Variants in GRIN2B observed in about 807,000 individuals in gnomAD.
GRIN2B encodes glutamate ionotropic receptor NMDA type subunit 2B, also known as glutamate receptor ionotropic, NMDA 2B.
In GRIN2B, 5 loss-of-function variants were observed where a neutral mutation model predicts 114.5. That is an observed-to-expected ratio of 0.04 (90% CI 0.02 to 0.09). The LOEUF is 0.09. Among genes scored for constraint, GRIN2B ranks in the 10% least tolerant of loss-of-function variants. GRIN2B has a pLI of 1.00. For synonymous variants in GRIN2B, 787 were observed against 745.1 expected, an observed-to-expected ratio of 1.06 and a Z score of -0.92; for missense variants, 1,108 against 1,943.5, an observed-to-expected ratio of 0.57 and a Z score of 8.08.
intron 4 of GRIN2B, among the ~76,000 whole-genome samples, chr12:13,752,133 T>C (rs1863493688): frequency 6.6e-6 from 1 of 152,206 alleles, no homozygotes; most frequent in Non-Finnish European, 1.5e-5. Context: ...CTGCTAGAAG[T>C]TACCCACTCA....
At chr12:13,873,167 C>T (rs892970491) in intron 2 of GRIN2B, among the ~76,000 whole-genome samples, 1 of 152,038 alleles carries the variant, frequency 6.6e-6, no homozygotes, top group Non-Finnish European at 1.5e-5. Flanking sequence ...TTGTAAGTTC[C>T]AAGTCAATTA....
rs1280718157 is a variant in GRIN2B at position 13,865,947 on chromosome 12, G to C, written c.262C>G (p.Leu88Val). The C allele has an allele frequency of 6.2e-7, 1 of 1,614,076 alleles. No homozygotes were observed. The highest frequency in any genetic ancestry group is 8.5e-7 in the Non-Finnish European group (1 of 1,179,998). The stretch of plus-strand genomic sequence containing the variant: ...CCCTGGATCTTCCGGTCAGACATGA[G>C]ATCACAGATGCGGGTGATGATGCTC... Reference protein sequence around the residue: ...PKSIITRICDLMSDRKIQGVV... With the variant: ...PKSIITRICDVMSDRKIQGVV... Residue 88 changes from leucine to valine, a missense_variant, in exon 3 of 14, where the codon CTC becomes GTC. Physicochemically the swap from Leu to Val is conservative, Grantham distance 32 (BLOSUM62 1). Around this residue, in one of 19 missense-constraint regions of GRIN2B, gnomAD observed 199 missense variants for 439.6 expected, o/e 0.45. Transcript: ENST00000609686.
intron 5 of GRIN2B, among the ~76,000 whole-genome samples, chr12:13,675,455 G>A (rs1039125091): frequency 6.6e-6 from 1 of 152,098 alleles, no homozygotes; most frequent in African/African-American, 2.4e-5. Context: ...ACCAAATTAT[G>A]TTATATTGTA....
At chr12:13,979,365 C>G (rs1032009364) in intron 2 of GRIN2B, among the ~76,000 whole-genome samples, 1 of 151,958 alleles carries the variant, frequency 6.6e-6, no homozygotes, top group Non-Finnish European at 1.5e-5. Flanking sequence ...CTCTGGGCCC[C>G]TTGTCAACCC....
At chr12:13,978,625 T>C (rs1863073228) in intron 2 of GRIN2B, among the ~76,000 whole-genome samples, 1 of 152,240 alleles carries the variant, frequency 6.6e-6, no homozygotes, top group South Asian at 2.1e-4. Context: ...GGGGTGGTGG[T>C]AATACTTTTA....
chr12:13,789,185 T>G (rs896980322), intron 3 of GRIN2B, among the ~76,000 whole-genome samples: 2 of 152,188 alleles, frequency 1.3e-5, no homozygotes, highest in Non-Finnish European at 2.9e-5. Context: ...TATAAACTCT[T>G]ATATTCAACA....
intron 4 of GRIN2B, among the ~76,000 whole-genome samples, chr12:13,748,888 T>C (rs1863433404): frequency 6.6e-6 from 1 of 152,240 alleles, no homozygotes; most frequent in Non-Finnish European, 1.5e-5. Context: ...ATATGTCCCA[T>C]GCAATATTTA....
intron 4 of GRIN2B, among the ~76,000 whole-genome samples, chr12:13,750,105 G>A (rs532567427): frequency 2.7e-4 from 41 of 152,288 alleles, no homozygotes; most frequent in African/African-American, 7.9e-4. Flanking sequence ...TTCTTAAGCC[G>A]TACATTTGGG....
chr12:13,759,454 T>C (rs1157227551), intron 3 of GRIN2B, among the ~76,000 whole-genome samples: 2 of 152,216 alleles, frequency 1.3e-5, no homozygotes, highest in Non-Finnish European at 2.9e-5. Flanking sequence ...TATAGTCACT[T>C]ATTTACATCC....
chr12:13,719,917 A>G (rs1214870340), intron 4 of GRIN2B, among the ~76,000 whole-genome samples: 1 of 152,028 alleles, frequency 6.6e-6, no homozygotes, highest in East Asian at 1.9e-4. Context: ...GTACTGCATG[A>G]TTGTGAAAAA....
intron 2 of GRIN2B, among the ~76,000 whole-genome samples, chr12:13,867,379 A>G (rs1865844778): frequency 6.6e-6 from 1 of 152,120 alleles, no homozygotes; most frequent in African/African-American, 2.4e-5. Flanking sequence ...TATGCTTCTC[A>G]TTATTCTCCA....
intron 2 of GRIN2B, among the ~76,000 whole-genome samples, chr12:13,869,222 TTTC>T (rs1238331764): frequency 6.7e-6 from 1 of 148,376 alleles, no homozygotes; most frequent in Non-Finnish European, 1.5e-5. Flanking sequence ...AGAGAACTTT[TTTC>T]TTTTTCTTTT....
intron 4 of GRIN2B, among the ~76,000 whole-genome samples, chr12:13,695,813 G>T (rs1950254521): frequency 6.6e-6 from 1 of 152,132 alleles, no homozygotes; most frequent in African/African-American, 2.4e-5. Flanking sequence ...AAGTTAAGCG[G>T]CTCATAGTGT....
chr12:13,942,912 T>C (rs1252829208), intron 2 of GRIN2B, among the ~76,000 whole-genome samples: 2 of 152,138 alleles, frequency 1.3e-5, no homozygotes, highest in Non-Finnish European at 2.9e-5. Flanking sequence ...AAAGCCACTG[T>C]CGGAGTTATC....
chr12:13,869,169 C>A (rs1425344672), intron 2 of GRIN2B, among the ~76,000 whole-genome samples: 2 of 151,924 alleles, frequency 1.3e-5, no homozygotes, highest in Non-Finnish European at 2.9e-5. Context: ...TCCTTGTGAG[C>A]AGGGACTTTT....
chr12:13,895,107 G>T (rs2096170472), intron 2 of GRIN2B, among the ~76,000 whole-genome samples: 1 of 152,132 alleles, frequency 6.6e-6, no homozygotes, highest in Non-Finnish European at 1.5e-5. Flanking sequence ...ATGAATATTA[G>T]AGCAACTAAG....
intron 2 of GRIN2B, among the ~76,000 whole-genome samples, chr12:13,874,720 G>C (rs1678281749): frequency 6.6e-6 from 1 of 152,122 alleles, no homozygotes; most frequent in African/African-American, 2.4e-5. Flanking sequence ...AAAATTATTG[G>C]CTTGTCACTA....
intron 5 of GRIN2B, among the ~76,000 whole-genome samples, chr12:13,653,228 C>T (rs1949833875): frequency 2.6e-5 from 4 of 152,000 alleles, no homozygotes; most frequent in African/African-American, 7.2e-5. Context: ...GTGATGCCAA[C>T]ATCGATACAA....
At chr12:13,608,350 C>T (rs568529677) in intron 10 of GRIN2B, among the ~76,000 whole-genome samples, 18 of 152,268 alleles carry the variant, frequency 1.2e-4, no homozygotes, top group Middle Eastern at 3.4e-3. Context: ...CTCAGAAAGC[C>T]GCTAACATAC....
Sources: gnomAD v4.1 joint callset for allele counts (sites outside exome capture counted in the v4.1 genomes callset) on GRCh38, gnomAD v4.1.1 for gene constraint, gnomAD v4.1.1 regional missense constraint, MANE v1.5 for transcripts, NCBI Gene and HGNC (gene_info 2026-07-23, HGNC 2026-07-21) for gene names.